Variants in CLIP2 observed in about 807,000 individuals in gnomAD.
The protein encoded by CLIP2 is CAP-Gly domain-containing linker protein 2.
A neutral mutation model predicts 111.7 loss-of-function variants in CLIP2; 41 were observed. The ratio of observed to expected loss-of-function variants is 0.37; its 90% CI spans 0.29 to 0.48. The LOEUF is 0.48. CLIP2 is among the 20% of genes least tolerant of loss of function. CLIP2 has a pLI of 0.99. For synonymous variants in CLIP2, 660 were observed against 644.2 expected (o/e 1.02, Z -0.37); for missense variants, 1,160 against 1,422.1 (o/e 0.82, Z 2.96).
chr7:74,381,121 A>C (rs1419843226), intron 11 of CLIP2: 1 of 293,590 alleles, frequency 3.4e-6, no homozygotes, highest in East Asian at 5.7e-5. Context: ...ACTTAATGGA[A>C]TATCAAACCT....
At position 74,403,905 on chromosome 7, in the gene CLIP2, C is replaced by T. The variant is rs1791694133; in HGVS notation, c.*57C>T. Reference sequence around the variant, plus strand: ...CACACCAGAGCCCCACGCGGCTGCCCGGCAGTACCTCCTCCAGGCAGGAGC... The same window carrying T: ...CACACCAGAGCCCCACGCGGCTGCCTGGCAGTACCTCCTCCAGGCAGGAGC... On this transcript the variant is annotated 3_prime_UTR_variant, in exon 17 of 17. Coordinates refer to ENST00000223398, the MANE Select transcript of CLIP2 (RefSeq NM_003388.5). 1.3e-5 allele frequency: 21 copies of T among 1,586,862 alleles called. No individual in the cohort carries two copies. The highest frequency in any genetic ancestry group is 1.7e-4 in the Middle Eastern group (1 of 6,016).
intron 8 of CLIP2, among the ~76,000 whole-genome samples, chr7:74,365,840 C>T (rs577095693): frequency 6.6e-6 from 1 of 152,208 alleles, no homozygotes; most frequent in African/African-American, 2.4e-5. Context: ...CTGAAGCCTC[C>T]ACTTCCTGGG....
intron 2 of CLIP2, among the ~76,000 whole-genome samples, chr7:74,337,669 C>T (rs1012288205): frequency 6.6e-6 from 1 of 151,834 alleles, no homozygotes; most frequent in Non-Finnish European, 1.5e-5. Context: ...GATTTCAACT[C>T]ACTGCAATCT....
intron 5 of CLIP2, 44 bp from the exon 6 acceptor site, chr7:74,357,236 G>A: frequency 6.3e-7 from 1 of 1,578,630 alleles, no homozygotes; most frequent in East Asian, 2.2e-5. Flanking sequence ...GCCCTGCAGT[G>A]CTTCAGATCC....
intron 3 of CLIP2, among the ~76,000 whole-genome samples, chr7:74,339,665 C>T (rs1789599118): frequency 6.6e-6 from 1 of 152,138 alleles, no homozygotes; most frequent in Non-Finnish European, 1.5e-5. Flanking sequence ...ACGTATCACT[C>T]ATTTAGACAG....
At chr7:74,362,528 C>T (rs367801202) in intron 7 of CLIP2, among the ~76,000 whole-genome samples, 17 of 121,946 alleles carry the variant, frequency 1.4e-4, no homozygotes, top group Admixed American at 2.9e-4. Flanking sequence ...TTTTTCTTTT[C>T]TTTTTTTTTT....
rs139034247 is a variant in CLIP2, at chr7:74,310,539, T to G, written c.-67-6941T>G. ...CCTGTCTCAAAAATAAAAATAAAAT[T>G]AAAATGAAAAACAGCTGCCCTACTT... On this transcript the variant is annotated intron_variant, in intron 1 of 16. Transcript: ENST00000223398. 2.3e-3 allele frequency among the ~76,000 whole-genome samples: 343 copies of G among 152,082 alleles called. 2 individuals are homozygous for G. Among genetic ancestry groups the G allele is most frequent in the African/African-American group, 7.7e-3 (318 of 41,500 alleles).
At chr7:74,317,219 C>T (rs1564033845) in intron 1 of CLIP2, among the ~76,000 whole-genome samples, 1 of 152,080 alleles carries the variant, frequency 6.6e-6, no homozygotes, top group East Asian at 1.9e-4. Context: ...CAGGTAACTG[C>T]ACACCAGGAT....
In CLIP2 at chr7:74,399,543, G is replaced by GC. The variant is rs1491509598; in HGVS notation, c.2881-827_2881-826insC. Among the ~76,000 whole-genome samples the GC allele has an allele frequency of 1.0e-3, 22 of 21,072 alleles. 1 individual carries two copies. The East Asian group carries it at 0.023, about 22-fold the overall frequency. 13.8% of individuals were successfully genotyped at this position (21,072 alleles called of 152,430 possible). On this transcript the variant is annotated intron_variant, in intron 14 of 16. Coordinates refer to ENST00000223398, the MANE Select transcript of CLIP2 (RefSeq NM_003388.5). ...ATAGAGTGAGACTCAGTCTTTTTTT[G>GC]GGGGGGGGGGGGTGGGGACCAAGTC... is the stretch of plus-strand genomic sequence containing the variant.
chr7:74,357,233 A>C (rs1554308630), intron 5 of CLIP2, 47 bp from the exon 6 acceptor site: 1 of 1,560,060 alleles, frequency 6.4e-7, no homozygotes, highest in East Asian at 2.2e-5. Context: ...TCTGCCCTGC[A>C]GTGCTTCAGA....
At position 74,310,737 on chromosome 7, in the gene CLIP2, G is replaced by A. The variant is rs557292448; in HGVS notation, c.-67-6743G>A. ...CTTTCTTTTTTTTTTTTTGAGACAA[G>A]GTCTCACTTTGTCATCCAGGCTAGA... On this transcript the variant is annotated intron_variant, in intron 1 of 16. Coordinates refer to ENST00000223398, the MANE Select transcript of CLIP2 (RefSeq NM_003388.5). Among the ~76,000 whole-genome samples, 339 of 151,142 alleles carry A rather than the reference G, an allele frequency of 2.2e-3. 1 individual carries two copies. The highest frequency in any genetic ancestry group is 3.4e-3 in the Middle Eastern group (1 of 292).
intron 11 of CLIP2, among the ~76,000 whole-genome samples, chr7:74,385,342 T>G (rs1791056228): frequency 1.3e-5 from 2 of 151,346 alleles, no homozygotes; most frequent in Non-Finnish European, 2.9e-5. Context: ...GGCACATGCC[T>G]GTGGTCTCAG....
intron 1 of CLIP2, among the ~76,000 whole-genome samples, chr7:74,296,265 T>C (rs1322140605): frequency 6.6e-6 from 1 of 151,820 alleles, no homozygotes; most frequent in Non-Finnish European, 1.5e-5. Context: ...TCCCAACACT[T>C]TGGGAGGCTG....
intron 9 of CLIP2, among the ~76,000 whole-genome samples, chr7:74,373,995 G>A (rs1554312357): frequency 6.6e-6 from 1 of 150,660 alleles, no homozygotes; most frequent in Non-Finnish European, 1.5e-5. Flanking sequence ...GCATGGTTCT[G>A]AGTCCCTGCT....
At chr7:74,324,397 T>C (rs1287548439) in intron 2 of CLIP2, among the ~76,000 whole-genome samples, 3 of 152,170 alleles carry the variant, frequency 2.0e-5, no homozygotes, top group Non-Finnish European at 4.4e-5. Context: ...TGCTGTCATC[T>C]GAATGGTTCC....
chr7:74,352,633 C>T (rs1356110634), intron 3 of CLIP2, among the ~76,000 whole-genome samples: 5 of 148,892 alleles, frequency 3.4e-5, no homozygotes, highest in Non-Finnish European at 5.9e-5. Context: ...ATTAGCTGGG[C>T]GTGGTGGCGC....
At chr7:74,295,670 G>A (rs1788145997) in intron 1 of CLIP2, among the ~76,000 whole-genome samples, 3 of 152,134 alleles carry the variant, frequency 2.0e-5, no homozygotes, top group African/African-American at 7.2e-5. Flanking sequence ...GACTTGAGGT[G>A]ATTTACAAAG....
At chr7:74,314,105 C>T (rs552703819) in intron 1 of CLIP2, among the ~76,000 whole-genome samples, 1 of 150,262 alleles carries the variant, frequency 6.7e-6, no homozygotes, top group South Asian at 2.1e-4. Flanking sequence ...TTGCTTGAAA[C>T]CAGGAGATGG....
intron 1 of CLIP2, among the ~76,000 whole-genome samples, chr7:74,305,786 A>G (rs1389745918): frequency 7.1e-6 from 1 of 140,412 alleles, no homozygotes; most frequent in African/African-American, 2.7e-5. Flanking sequence ...GAGTCACCGC[A>G]CCCGGTCACA....
Sources: gnomAD v4.1 joint callset for allele counts (sites outside exome capture counted in the v4.1 genomes callset) on GRCh38, gnomAD v4.1.1 for gene constraint, MANE v1.5 for transcripts, NCBI Gene and HGNC (gene_info 2026-07-23, HGNC 2026-07-21) for gene names.